The following AGBL4 variants were observed in gnomAD, a reference collection of about 807,000 sequenced individuals.
AGBL4 encodes cytosolic carboxypeptidase 6.
AGBL4 carries 58 observed loss-of-function variants against 66.4 expected under a neutral mutation model. That is an observed-to-expected ratio of 0.87 (90% CI 0.71 to 1.09). AGBL4 has a LOEUF of 1.09. Among genes scored for constraint, AGBL4 ranks in the 50% least tolerant of loss-of-function variants. The probability of loss-of-function intolerance (pLI) is 0.00; values close to 1 mark genes in which losing one functional copy is unlikely to be tolerated. For synonymous variants in AGBL4, 234 were observed against 222.9 expected (o/e 1.05, Z -0.44); for missense variants, 579 against 631.0 (o/e 0.92, Z 0.88).
chr1:49,665,152 T>C (rs1292561842), intron 3 of AGBL4, among the ~76,000 whole-genome samples: 1 of 152,154 alleles, frequency 6.6e-6, no homozygotes, highest in African/African-American at 2.4e-5. Context: ...TTTATCAGAA[T>C]TAACCACTTA....
At chr1:48,871,206 A>G (rs1648619252) in intron 5 of AGBL4, among the ~76,000 whole-genome samples, 1 of 152,148 alleles carries the variant, frequency 6.6e-6, no homozygotes. Flanking sequence ...AAGAGCCTTT[A>G]ATATGGATGG....
At chr1:49,929,973 A>C (rs116081836) in intron 1 of AGBL4, among the ~76,000 whole-genome samples, 29 of 152,202 alleles carry the variant, frequency 1.9e-4, no homozygotes, top group African/African-American at 6.7e-4. Context: ...TCACTAAAAT[A>C]ACATAAAAGT....
chr1:49,715,430 G>A (rs905890272), intron 2 of AGBL4, among the ~76,000 whole-genome samples: 2 of 152,080 alleles, frequency 1.3e-5, no homozygotes, highest in Non-Finnish European at 2.9e-5. Context: ...AAACATAAAC[G>A]TGCATGTGTC....
intron 1 of AGBL4, among the ~76,000 whole-genome samples, chr1:49,930,708 C>T (rs912084238): frequency 1.3e-5 from 2 of 151,988 alleles, no homozygotes; most frequent in African/African-American, 2.4e-5. Flanking sequence ...CATATGATGA[C>T]GTCAAATACC....
At chr1:49,311,852 A>G (rs1644947115) in intron 3 of AGBL4, among the ~76,000 whole-genome samples, 1 of 152,100 alleles carries the variant, frequency 6.6e-6, no homozygotes, top group African/African-American at 2.4e-5. Flanking sequence ...TTACAAATCT[A>G]TAGGTGTTAA....
chr1:48,611,133 T>G (rs1002443145), intron 9 of AGBL4, among the ~76,000 whole-genome samples: 1 of 152,208 alleles, frequency 6.6e-6, no homozygotes, highest in South Asian at 2.1e-4. Context: ...TGCCCTGATA[T>G]CTGTTTGTGA....
chr1:49,096,728 T>C (rs1336458808), intron 4 of AGBL4, among the ~76,000 whole-genome samples: 1 of 149,558 alleles, frequency 6.7e-6, no homozygotes, highest in Non-Finnish European at 1.5e-5. Flanking sequence ...TTGGGAGATA[T>C]ATCTAATGTT....
intron 6 of AGBL4, among the ~76,000 whole-genome samples, chr1:48,698,019 A>G (rs546309688): frequency 4.3e-4 from 65 of 152,326 alleles, no homozygotes; most frequent in African/African-American, 1.5e-3. Flanking sequence ...CTGTCACGGA[A>G]TGACTCCTAA....
At chr1:49,838,044 G>A (rs1315427655) in intron 2 of AGBL4, among the ~76,000 whole-genome samples, 6 of 152,164 alleles carry the variant, frequency 3.9e-5, no homozygotes, top group African/African-American at 7.2e-5. Context: ...GAAAGAGCTC[G>A]TGCCAGGTAG....
intron 3 of AGBL4, among the ~76,000 whole-genome samples, chr1:49,614,006 T>A (rs1421778938): frequency 3.3e-5 from 5 of 152,220 alleles, no homozygotes; most frequent in African/African-American, 1.2e-4. Flanking sequence ...TTCATGCTCT[T>A]TTTTTCTGTT....
intron 6 of AGBL4, chr1:48,759,490 G>A: frequency 1.9e-6 from 2 of 1,036,374 alleles, no homozygotes; most frequent in Non-Finnish European, 2.7e-6. Flanking sequence ...TCCGAGTGGG[G>A]AAGGGGCTTG....
intron 3 of AGBL4, among the ~76,000 whole-genome samples, chr1:49,515,965 C>T (rs1276046319): frequency 6.6e-6 from 1 of 150,916 alleles, no homozygotes; most frequent in Admixed American, 6.6e-5. Flanking sequence ...GTGCAGCACA[C>T]CAACATGGCA....
intron 3 of AGBL4, among the ~76,000 whole-genome samples, chr1:49,623,371 C>G (rs1645404328): frequency 6.6e-6 from 1 of 152,074 alleles, no homozygotes; most frequent in African/African-American, 2.4e-5. Context: ...ATTCTAAAAC[C>G]AAAATCAGCT....
chr1:49,989,479 C>T (rs927681284), intron 1 of AGBL4, among the ~76,000 whole-genome samples: 10 of 152,138 alleles, frequency 6.6e-5, no homozygotes, highest in African/African-American at 2.4e-4. Flanking sequence ...ATATCCAATA[C>T]TATAGGTATA....
chr1:49,082,548 T>C (rs528741136), intron 4 of AGBL4, among the ~76,000 whole-genome samples: 30 of 152,320 alleles, frequency 2.0e-4, no homozygotes, highest in South Asian at 2.1e-4. Flanking sequence ...ACTTTTTCAC[T>C]ACTGTAAGAA....
chr1:49,198,794 C>G (rs1390232057), intron 4 of AGBL4, among the ~76,000 whole-genome samples: 2 of 151,808 alleles, frequency 1.3e-5, no homozygotes, highest in Non-Finnish European at 2.9e-5. Flanking sequence ...GTTTCTTGGC[C>G]TATCCTAAGG....
At chr1:49,101,996 T>A (rs754723884) in intron 4 of AGBL4, among the ~76,000 whole-genome samples, 18 of 151,810 alleles carry the variant, frequency 1.2e-4, no homozygotes, top group Non-Finnish European at 2.2e-4. Context: ...CAGAAAGGAC[T>A]TCTAGGCCAT....
chr1:49,221,602 A>G (rs1482311034), intron 4 of AGBL4, among the ~76,000 whole-genome samples: 1 of 152,132 alleles, frequency 6.6e-6, no homozygotes, highest in Non-Finnish European at 1.5e-5. Flanking sequence ...TACAAACCAT[A>G]TTCTTATTTA....
At chr1:49,625,208 C>T (rs867186572) in intron 3 of AGBL4, among the ~76,000 whole-genome samples, 2 of 152,070 alleles carry the variant, frequency 1.3e-5, no homozygotes, top group African/African-American at 2.4e-5. Flanking sequence ...TATATTATTC[C>T]CCTACTACTC....
Sources: gnomAD v4.1 joint callset for allele counts (sites outside exome capture counted in the v4.1 genomes callset) on GRCh38, gnomAD v4.1.1 for gene constraint, MANE v1.5 for transcripts, NCBI Gene and HGNC (gene_info 2026-07-23, HGNC 2026-07-21) for gene names.